The following UBR3 variants were observed in gnomAD, a reference collection of about 807,000 sequenced individuals.
The protein encoded by UBR3 is ubiquitin protein ligase E3 component n-recognin 3.
Under a neutral mutation model 243.2 loss-of-function variants are expected in UBR3, and 85 were observed. The observed-to-expected ratio is 0.35, with a 90% confidence interval of 0.29 to 0.42. The LOEUF is 0.42. Ranked by LOEUF, UBR3 falls within the 10% of genes least tolerant of loss-of-function variation. UBR3 has a pLI of 1.00. For synonymous variants in UBR3, 748 were observed against 799.8 expected (o/e 0.94, Z 1.09); for missense variants, 1,686 against 2,300.8 (o/e 0.73, Z 5.47).
At chr2:170,055,747 A>G (rs533828197) in intron 33 of UBR3, among the ~76,000 whole-genome samples, 163 bp downstream of exon 33, 15 of 152,346 alleles carry the variant, frequency 9.8e-5, no homozygotes, top group African/African-American at 3.4e-4. Context: ...TCACTAAACA[A>G]TGAGGACTTC....
Position 169,928,835 on chromosome 2 carries a change from G to C in UBR3, c.2533G>C (p.Gly845Arg). Residue 845 changes from glycine to arginine, a missense_variant, in exon 18 of 39, where the codon GGT (glycine) becomes CGT (arginine). Physicochemically the swap from Gly to Arg is moderately radical, Grantham distance 125. This residue lies in a region of UBR3 where 346 missense variants were observed against 585.8 expected (regional missense o/e 0.59). Transcript: ENST00000272793. ...DFKAPVFEPG[G>R]SMQQGMYTPK... ...TAAGGCTCCTGTTTTTGAACCTGGA[G>C]GTTCTATGCAACAAGGCATGTATAC... 1 of 1,495,488 alleles carries C rather than the reference G, an allele frequency of 6.7e-7. No individual in the cohort carries two copies. The highest frequency in any genetic ancestry group is 9.0e-7 in the Non-Finnish European group (1 of 1,108,076). The allele number at this position is 1,495,488 out of a possible 1,614,324, so 92.6% of individuals were successfully genotyped here. A position where few individuals can be genotyped will look rare whatever the true frequency, so the allele number is the denominator to read the frequency against.
chr2:170,054,124 AT>A (rs1470226924), intron 32 of UBR3, among the ~76,000 whole-genome samples: 5 of 151,938 alleles, frequency 3.3e-5, no homozygotes, highest in Non-Finnish European at 7.4e-5. Context: ...TAAGTTTTTT[AT>A]TTTTATTTTT....
rs1446969913 is a variant in UBR3 at position 169,956,411 on chromosome 2, ACT to A, written c.3546-2024_3546-2023del. On this transcript the variant is annotated intron_variant, in intron 23 of 38. Coordinates refer to ENST00000272793, the MANE Select transcript of UBR3 (RefSeq NM_172070.4). ...CCGTGCCAGGTTGTCGAGTCCTGAC[ACT>A]CTGTGCTAGGACATGTTCAGAAAGG... Among the ~76,000 whole-genome samples, 4 of 151,772 alleles carry A rather than the reference ACT, an allele frequency of 2.6e-5. No homozygotes were observed. In the South Asian group the frequency reaches 6.3e-4, roughly 24 times the overall value.
Position 169,896,475 on chromosome 2 carries a change from G to A in UBR3, c.1237-32G>A, listed in dbSNP as rs75648708. The A allele has an allele frequency of 1.7e-3, 2,204 of 1,310,616 alleles. 39 individuals carry two copies. The African/African-American group carries it at 0.028, about 17-fold the overall frequency. The allele number at this position is 1,310,616 out of a possible 1,614,324, so 81.2% of individuals were successfully genotyped here. ...TTTTAAATTAAAAATTAAAACTAAT[G>A]TGTTTTTTCCTTTCTATTAAAATGT... On this transcript the variant is annotated intron_variant, in intron 7 of 38. Transcript: ENST00000272793.
chr2:170,063,139 A>C (rs2091486617), intron 35 of UBR3, among the ~76,000 whole-genome samples: 1 of 152,232 alleles, frequency 6.6e-6, no homozygotes, highest in Admixed American at 6.5e-5. Context: ...TGGGAATAGA[A>C]GAGGCTGGAG....
chr2:170,005,483 G>A (rs965117915), intron 27 of UBR3, among the ~76,000 whole-genome samples: 1 of 152,182 alleles, frequency 6.6e-6, no homozygotes, highest in African/African-American at 2.4e-5. Flanking sequence ...GGGCGAGTGG[G>A]AAATGTTGCC....
rs547454670 is a variant in UBR3, at chr2:169,984,214, G to GT, written c.3635-2429dup. Among the ~76,000 whole-genome samples the GT allele has an allele frequency of 3.8e-4, 58 of 152,110 alleles. No homozygotes were observed. In the East Asian group the frequency reaches 0.01, roughly 27 times the overall value. On this transcript the variant is annotated intron_variant, in intron 24 of 38. Transcript: ENST00000272793. ...TAATACTTGTTACAGAATATACCAA[G>GT]TTACTCATTTAGAGTAGGGGTTTTT...
chr2:169,871,465 A>C, intron 1 of UBR3, among the ~76,000 whole-genome samples: 1 of 151,834 alleles, frequency 6.6e-6, no homozygotes, highest in East Asian at 1.9e-4. Context: ...CATACCAATC[A>C]TACTTAAAAA....
intron 11 of UBR3, 75 bp from the exon 12 acceptor site, chr2:169,923,853 GT>G: frequency 7.9e-7 from 1 of 1,273,456 alleles, no homozygotes; most frequent in South Asian, 1.5e-5. Flanking sequence ...TGAGAGTATG[GT>G]TTAAACATTT....
intron 1 of UBR3, among the ~76,000 whole-genome samples, chr2:169,835,850 T>C (rs539683720): frequency 8.6e-5 from 13 of 151,956 alleles, no homozygotes; most frequent in African/African-American, 3.1e-4. Flanking sequence ...GTACTTACCA[T>C]TGAGATGAAT....
chr2:169,993,909 C>G (rs1210271892), intron 25 of UBR3, among the ~76,000 whole-genome samples: 1 of 152,154 alleles, frequency 6.6e-6, no homozygotes, highest in Non-Finnish European at 1.5e-5. Flanking sequence ...TTTAATCACA[C>G]ATCCTTCCGG....
At chr2:170,031,354 T>G (rs13430186) in intron 31 of UBR3, among the ~76,000 whole-genome samples, 44,613 of 151,958 alleles carry the variant, frequency 0.29, 6,803 homozygotes, top group South Asian at 0.45. Flanking sequence ...TCATGTATGA[T>G]TTTTTTGTCA....
chr2:170,008,664 A>G (rs1559182168), intron 28 of UBR3, 140 bp from the exon 29 acceptor site: 2 of 481,298 alleles, frequency 4.2e-6, no homozygotes, highest in African/African-American at 4.0e-5. Context: ...TACACTAAAT[A>G]TATTTATAAT....
intron 1 of UBR3, among the ~76,000 whole-genome samples, chr2:169,851,083 T>G (rs983941762): frequency 3.3e-5 from 5 of 152,198 alleles, no homozygotes; most frequent in African/African-American, 1.2e-4. Context: ...TGTTTTAATT[T>G]TTGATATGGT....
chr2:170,045,685 T>TAAAG (rs1461960131), intron 32 of UBR3, among the ~76,000 whole-genome samples: 1 of 152,174 alleles, frequency 6.6e-6, no homozygotes, highest in Non-Finnish European at 1.5e-5. Flanking sequence ...TACATAACAG[T>TAAAG]AAAGAGCAGA....
intron 24 of UBR3, among the ~76,000 whole-genome samples, chr2:169,968,369 G>A (rs559522473): frequency 7.9e-5 from 12 of 152,128 alleles, no homozygotes; most frequent in African/African-American, 1.4e-4. Flanking sequence ...CCTTCCCAGC[G>A]TCTGGTAACC....
At position 169,999,302 on chromosome 2, in the gene UBR3, A is replaced by T. The variant is rs140906194; in HGVS notation, c.3919-2002A>T. Among the ~76,000 whole-genome samples the T allele has an allele frequency of 2.0e-5, 3 of 152,290 alleles. No individual in the cohort carries two copies. The East Asian group carries it at 5.8e-4, about 29-fold the overall frequency. On this transcript the variant is annotated intron_variant, in intron 26 of 38. Transcript: ENST00000272793. ...GAGCAGGCCTCCTGTTGTTTTTCTGATTTGTAACAGTAGAAGCCTGCTCAC... is the reference window on the plus strand; with the variant it reads ...GAGCAGGCCTCCTGTTGTTTTTCTGTTTTGTAACAGTAGAAGCCTGCTCAC...
intron 33 of UBR3, among the ~76,000 whole-genome samples, chr2:170,057,050 AT>A (rs35560764): frequency 2.0e-5 from 3 of 149,870 alleles, no homozygotes; most frequent in African/African-American, 5.0e-5. Flanking sequence ...TTCTTGAAAG[AT>A]TTTTTCCCCC....
chr2:169,852,850 C>CAAAAAAAAAAAAAA (rs869283640), intron 1 of UBR3, among the ~76,000 whole-genome samples: 2 of 48,284 alleles, frequency 4.1e-5, no homozygotes, highest in African/African-American at 1.9e-4. Context: ...GACTTCATCT[C>CAAAAAAAAAAAAAA]AAAAAAAAAA....
Sources: allele counts gnomAD v4.1 joint callset (sites outside exome capture counted in the v4.1 genomes callset), GRCh38; gene constraint gnomAD v4.1.1; regional missense constraint gnomAD v4.1.1; transcripts MANE v1.5; gene names NCBI Gene and HGNC (gene_info 2026-07-23, HGNC 2026-07-21).